Variants in ZBBX observed in about 807,000 individuals in gnomAD.
ZBBX encodes the protein zinc finger B-box domain containing, also known as zinc finger B-box domain-containing protein 1.
Under a neutral mutation model 108.5 loss-of-function variants are expected in ZBBX, and 101 were observed. The observed-to-expected ratio is 0.93, with a 90% CI of 0.79 to 1.10. The LOEUF (loss-of-function observed/expected upper bound fraction) is 1.10. Ranked by LOEUF, ZBBX falls within the 50% of genes least tolerant of loss-of-function variation. ZBBX has a pLI of 0.00. For missense variants in ZBBX, 1,009 were observed against 941.4 expected (o/e 1.07, Z -0.94); for synonymous variants, 356 against 323.4 (o/e 1.10, Z -1.08).
chr3:167,402,089 G>A (rs1051804426), intron 1 of ZBBX, among the ~76,000 whole-genome samples: 3 of 152,008 alleles, frequency 2.0e-5, no homozygotes, highest in Non-Finnish European at 4.4e-5. Context: ...AGTGGAGATC[G>A]TGGGCTACAT....
chr3:167,196,910 T>C, the ZBBX span, among the ~76,000 whole-genome samples: 21 of 152,080 alleles, frequency 1.4e-4, no homozygotes, highest in Admixed American at 1.1e-3. Flanking sequence ...CCTGGTGAAA[T>C]AGTACCAAAA....
intron 1 of ZBBX, among the ~76,000 whole-genome samples, chr3:167,388,525 A>G (rs571339507): frequency 6.6e-6 from 1 of 152,098 alleles, no homozygotes; most frequent in South Asian, 2.1e-4. Context: ...GACAATCACT[A>G]AGTTATGGTA....
intron 1 of ZBBX, among the ~76,000 whole-genome samples, chr3:167,389,996 T>C (rs936893069): frequency 9.9e-5 from 15 of 152,124 alleles, no homozygotes; most frequent in Non-Finnish European, 1.5e-5. Flanking sequence ...ATTTTGGCTT[T>C]TGTTGCTATT....
intron 18 of ZBBX, among the ~76,000 whole-genome samples, chr3:167,292,649 G>C (rs1353268457): frequency 6.6e-6 from 1 of 152,094 alleles, no homozygotes; most frequent in African/African-American, 2.4e-5. Flanking sequence ...AATTAGAAAA[G>C]CAAGAGCAAA....
rs369216166 is a variant in ZBBX, at chr3:167,344,002, T to C, written c.528+6418A>G. Among the ~76,000 whole-genome samples, 9 of 151,954 alleles carry C rather than the reference T, an allele frequency of 5.9e-5. 1 individual carries two copies. Among genetic ancestry groups the C allele is most frequent in the Admixed American group, 3.3e-4 (5 of 15,186 alleles). On this transcript the variant is annotated intron_variant, in intron 9 of 21. Transcript: ENST00000675490. ...TCAAATGATGAATGAATAAACAAAA[T>C]ATGCTATATCAAACAATGAAATGTT...
rs1445722317 is a variant in ZBBX, at chr3:167,368,442, C to T, written c.182+19G>A. 6.4e-7 allele frequency: 1 copy of T among 1,551,204 alleles called. No homozygotes were observed. Among genetic ancestry groups the T allele is most frequent in the East Asian group, 2.3e-5 (1 of 44,328 alleles). On this transcript the variant is annotated intron_variant, in intron 5 of 21. Transcript: ENST00000675490. ...TAATTTAGTTGATTCATCTAAAATT[C>T]TCTAAGAGTTTCACTCACTCTCTAT...
chr3:167,357,259 T>A (rs1018571166), intron 8 of ZBBX, among the ~76,000 whole-genome samples: 2 of 152,050 alleles, frequency 1.3e-5, no homozygotes, highest in African/African-American at 4.8e-5. Flanking sequence ...CAATGTCAAA[T>A]GAAATCAAGA....
At chr3:167,184,005 G>A in the ZBBX span, among the ~76,000 whole-genome samples, 45 of 152,228 alleles carry the variant, frequency 3.0e-4, 1 homozygote, top group African/African-American at 1.1e-3. Context: ...TACATCTATA[G>A]ACTAATGAAA....
chr3:167,346,815 G>GAAAATGATAAAAAC (rs1741540142), intron 9 of ZBBX, among the ~76,000 whole-genome samples: 1 of 151,698 alleles, frequency 6.6e-6, no homozygotes, highest in African/African-American at 2.4e-5. Context: ...TTATGCATAG[G>GAAAATGATAAAAAC]AAAATGATAA....
chr3:167,295,736 TATATATATATATATATATATATAA>T (rs1344137615), intron 18 of ZBBX, among the ~76,000 whole-genome samples: 8 of 23,440 alleles, frequency 3.4e-4, no homozygotes, highest in East Asian at 2.3e-3. Flanking sequence ...TATATATATA[TATATATATATATATATATATATAA>T]AAAAAACTAG....
rs1035847436 is a variant in ZBBX, at chr3:167,289,887, G to A, written c.1880-904C>T. On this transcript the variant is annotated intron_variant, in intron 18 of 21. Transcript: ENST00000675490. ...AGTCTGAGCTCAACCTGGGATGCTC[G>A]AGCTTGGTGAAGGGAGAGGTGTCTG... is the stretch of plus-strand genomic sequence containing the variant. 3.9e-5 allele frequency among the ~76,000 whole-genome samples: 6 copies of A among 152,160 alleles called. No homozygotes were observed. In the South Asian group the frequency reaches 6.2e-4, roughly 16 times the overall value.
At chr3:167,210,006 C>T in the ZBBX span, among the ~76,000 whole-genome samples, 1 of 152,116 alleles carries the variant, frequency 6.6e-6, no homozygotes, top group African/African-American at 2.4e-5. Flanking sequence ...ATGAGAATTG[C>T]TTGAACCTAG....
At chr3:167,228,840 TGAA>T in the ZBBX span, among the ~76,000 whole-genome samples, 1 of 151,812 alleles carries the variant, frequency 6.6e-6, no homozygotes, top group Non-Finnish European at 1.5e-5. Context: ...TTTGAGAAGG[TGAA>T]GAAGTTCATC....
At chr3:167,244,439 T>A (rs1721214288) in intron 20 of ZBBX, among the ~76,000 whole-genome samples, 1 of 152,340 alleles carries the variant, frequency 6.6e-6, no homozygotes, top group Admixed American at 6.5e-5. Flanking sequence ...ATCCAAACTC[T>A]ATTATGCATT....
intron 11 of ZBBX, among the ~76,000 whole-genome samples, chr3:167,326,832 G>A (rs904547740): frequency 6.6e-6 from 1 of 151,936 alleles, no homozygotes; most frequent in African/African-American, 2.4e-5. Flanking sequence ...AGAAGACATT[G>A]TTGATACTTT....
At chr3:167,373,021 A>G in intron 3 of ZBBX, 71 bp from the exon 4 acceptor site, 1 of 680,238 alleles carries the variant, frequency 1.5e-6, no homozygotes, top group Non-Finnish European at 2.3e-6. Flanking sequence ...TCAAAACTCC[A>G]TATAATTCAG....
chr3:167,232,897 G>C, the ZBBX span, among the ~76,000 whole-genome samples: 2,023 of 151,804 alleles, frequency 0.013, 22 homozygotes, highest in South Asian at 0.026. Flanking sequence ...TGCTGGTTTG[G>C]GACTAGAGGT....
At chr3:167,338,719 T>A (rs946177087) in intron 9 of ZBBX, among the ~76,000 whole-genome samples, 2 of 152,158 alleles carry the variant, frequency 1.3e-5, no homozygotes, top group African/African-American at 4.8e-5. Context: ...CTCTAAACTC[T>A]GCAGAAGAGT....
At position 167,359,854 on chromosome 3, in the gene ZBBX, T is replaced by G. The variant is rs1398002055; in HGVS notation, c.432+16A>C. The G allele has an allele frequency of 2.4e-6, 3 of 1,267,712 alleles. No individual in the cohort carries two copies. In the East Asian group the frequency reaches 7.7e-5, roughly 32 times the overall value. 78.5% of individuals were successfully genotyped at this position (1,267,712 alleles called of 1,614,324 possible). On this transcript the variant is annotated intron_variant, in intron 8 of 21. Transcript: ENST00000675490. ...TACTATACAGTATATGTATATATAC[T>G]ATATAACGTACATACCAGTAGAGCA...
Sources: allele counts gnomAD v4.1 joint callset (sites outside exome capture counted in the v4.1 genomes callset), GRCh38; gene constraint gnomAD v4.1.1; transcripts MANE v1.5; gene names NCBI Gene and HGNC (gene_info 2026-07-23, HGNC 2026-07-21).